Variants in LIPA observed in about 807,000 individuals in gnomAD.
LIPA encodes the protein lysosomal acid lipase/cholesteryl ester hydrolase.
In LIPA, 26 loss-of-function variants were observed where a neutral mutation model predicts 40.6. That is an observed-to-expected ratio of 0.64 (90% CI 0.47 to 0.89). LIPA has a LOEUF of 0.89. LIPA is among the 40% of genes least tolerant of loss of function. The pLI, the probability that LIPA is intolerant of heterozygous loss-of-function variation, is 0.00. For missense variants in LIPA, 455 were observed against 479.6 expected (o/e 0.95, Z 0.48); for synonymous variants, 188 against 168.4 (o/e 1.12, Z -0.90).
intron 7 of LIPA, 85 bp downstream of exon 7, chr10:89,223,599 T>C: frequency 1.7e-6 from 2 of 1,145,710 alleles, no homozygotes; most frequent in Non-Finnish European, 1.3e-6. Context: ...GATGAGGTCA[T>C]TCCCACCTCT....
intron 1 of LIPA, among the ~76,000 whole-genome samples, chr10:89,315,920 T>G (rs1430870280): frequency 6.6e-6 from 1 of 150,976 alleles, no homozygotes; most frequent in Non-Finnish European, 1.5e-5. Context: ...AAACTACTAT[T>G]TTTTTTTATT....
At chr10:89,399,118 T>C (rs1205270763) in intron 2 of LIPA, among the ~76,000 whole-genome samples, 2 of 152,220 alleles carry the variant, frequency 1.3e-5, no homozygotes, top group East Asian at 3.8e-4. Flanking sequence ...ATTTCACTAA[T>C]GATTAGTGAT....
At chr10:89,384,122 C>T (rs756137124) in intron 2 of LIPA, 2 of 1,614,152 alleles carry the variant, frequency 1.2e-6, no homozygotes, top group Non-Finnish European at 1.7e-6. Context: ...GTGGATAAAG[C>T]TCTTGAGCTC....
At chr10:89,273,700 G>A (rs905751195) in intron 1 of LIPA, among the ~76,000 whole-genome samples, 5 of 152,242 alleles carry the variant, frequency 3.3e-5, no homozygotes, top group Middle Eastern at 3.4e-3. Flanking sequence ...AACATGTGTG[G>A]GTATTCATTG....
intron 2 of LIPA, among the ~76,000 whole-genome samples, chr10:89,365,864 T>C (rs1334033697): frequency 6.6e-6 from 1 of 152,224 alleles, no homozygotes; most frequent in Non-Finnish European, 1.5e-5. Context: ...CCTTGTAGTA[T>C]AGTTTGAAGT....
At chr10:89,365,021 T>C (rs765295924) in intron 2 of LIPA, among the ~76,000 whole-genome samples, 9 of 152,216 alleles carry the variant, frequency 5.9e-5, no homozygotes, top group Non-Finnish European at 1.0e-4. Context: ...TAGCCTTCCA[T>C]GAATTGCACA....
chr10:89,252,189 T>G (rs1398695600), upstream of LIPA: 3 of 152,270 alleles, frequency 2.0e-5, no homozygotes, highest in Non-Finnish European at 4.4e-5. Flanking sequence ...TGGGCTCCAT[T>G]TAAAGCGCTT....
At chr10:89,263,446 G>C (rs1335220355) in intron 1 of LIPA, among the ~76,000 whole-genome samples, 1 of 152,182 alleles carries the variant, frequency 6.6e-6, no homozygotes, top group Non-Finnish European at 1.5e-5. Context: ...TTGGTTTTAT[G>C]TTCAGGAAAA....
intron 3 of LIPA, among the ~76,000 whole-genome samples, chr10:89,243,084 G>A: frequency 6.6e-6 from 1 of 152,202 alleles, no homozygotes; most frequent in East Asian, 1.9e-4. Flanking sequence ...GTCAGGAGGG[G>A]AAGCGGGATG....
At chr10:89,380,847 A>G (rs1647559024) in intron 2 of LIPA, among the ~76,000 whole-genome samples, 1 of 152,222 alleles carries the variant, frequency 6.6e-6, no homozygotes, top group Non-Finnish European at 1.5e-5. Context: ...GGACACCTCT[A>G]GGGTGATATT....
At chr10:89,329,470 G>A (rs76738771) in intron 1 of LIPA, among the ~76,000 whole-genome samples, 2,935 of 152,166 alleles carry the variant, frequency 0.019, 41 homozygotes, top group African/African-American at 0.037. Context: ...TCTGAGGGGG[G>A]CTCTCTGAAC....
intron 2 of LIPA, chr10:89,403,117 C>T: frequency 6.2e-7 from 1 of 1,614,154 alleles, no homozygotes. Context: ...TTGCAGGAAA[C>T]ACCCACTTCT....
At chr10:89,322,732 T>A (rs1028233844) in intron 1 of LIPA, among the ~76,000 whole-genome samples, 5 of 152,126 alleles carry the variant, frequency 3.3e-5, no homozygotes, top group African/African-American at 1.2e-4. Context: ...CTAGGAGCAG[T>A]AAGATTGCCC....
chr10:89,299,863 T>G (rs368133974), intron 1 of LIPA, among the ~76,000 whole-genome samples: 1 of 152,048 alleles, frequency 6.6e-6, no homozygotes, highest in East Asian at 1.9e-4. Flanking sequence ...TATGGAAAGC[T>G]CTCAAAAAAC....
intron 1 of LIPA, chr10:89,338,397 T>C: frequency 2.6e-6 from 1 of 380,760 alleles, no homozygotes; most frequent in East Asian, 4.4e-5. Flanking sequence ...GAATTCTCCC[T>C]TCCTCTGCCT....
intron 1 of LIPA, among the ~76,000 whole-genome samples, chr10:89,310,533 T>C (rs1279046724): frequency 6.6e-6 from 1 of 152,190 alleles, no homozygotes; most frequent in Admixed American, 6.5e-5. Context: ...TAGACTAATA[T>C]GTAAGAAATT....
At chr10:89,250,098 CT>C (rs1293702927) in intron 1 of LIPA, among the ~76,000 whole-genome samples, 10,481 of 101,140 alleles carry the variant, frequency 0.1, 981 homozygotes, top group African/African-American at 0.26. Flanking sequence ...TTTTTCTTTT[CT>C]TTTCTTTCTT....
chr10:89,404,571 A>G (rs1232848861), intron 2 of LIPA: 1 of 152,252 alleles, frequency 6.6e-6, no homozygotes, highest in African/African-American at 2.4e-5. Context: ...GTGTCTAGCC[A>G]ATCCACCAAC....
At chr10:89,338,334 G>A (rs1398740371) in intron 1 of LIPA, 3 of 228,996 alleles carry the variant, frequency 1.3e-5, no homozygotes, top group Non-Finnish European at 2.6e-5. Context: ...TCCAAGTCTA[G>A]TCTAAGGGCA....
Sources: allele counts gnomAD v4.1 joint callset (sites outside exome capture counted in the v4.1 genomes callset), GRCh38; gene constraint gnomAD v4.1.1; transcripts MANE v1.5; gene names NCBI Gene and HGNC (gene_info 2026-07-23, HGNC 2026-07-21).